The following OR1L8 variants were observed in gnomAD, a reference collection of about 807,000 sequenced individuals.
OR1L8 encodes olfactory receptor family 1 subfamily L member 8.
For missense variants in OR1L8, 330 were observed against 377.4 expected, an observed-to-expected ratio of 0.87 and a Z score of 1.04; for synonymous variants, 148 against 147.0, an observed-to-expected ratio of 1.01 and a Z score of -0.05.
chr9:122,560,272 C>A, the OR1L8 span, among the ~76,000 whole-genome samples: 1 of 152,100 alleles, frequency 6.6e-6, no homozygotes, highest in South Asian at 2.1e-4. Context: ...TAGGTCTTGA[C>A]TCTTTATCCA....
At chr9:122,559,291 G>A in the OR1L8 span, among the ~76,000 whole-genome samples, 1 of 151,558 alleles carries the variant, frequency 6.6e-6, no homozygotes, top group Admixed American at 6.6e-5. Flanking sequence ...TTTTCTATAT[G>A]TAATATTTAT....
chr9:122,573,730 A>C (rs559061575), intron 3 of OR1L8, among the ~76,000 whole-genome samples: 160 of 152,340 alleles, frequency 1.1e-3, no homozygotes, highest in Non-Finnish European at 1.9e-3. Context: ...TTTGCAGAAC[A>C]GAAAAGTTTA....
At chr9:122,583,255 C>T (rs901178871) in intron 1 of OR1L8, 66 bp downstream of exon 1, 1 of 149,898 alleles carries the variant, frequency 6.7e-6, no homozygotes. Flanking sequence ...AATATTTCAT[C>T]AATATTCCTT....
the OR1L8 span, chr9:122,554,013 A>G: frequency 1.2e-6 from 2 of 1,613,578 alleles, no homozygotes; most frequent in Non-Finnish European, 1.7e-6. Flanking sequence ...TCCTCCATCA[A>G]CTTACTCTAC....
At chr9:122,563,111 G>C (rs116566417), downstream of OR1L8, among the ~76,000 whole-genome samples, 1,051 of 151,886 alleles carry the variant, frequency 6.9e-3, 12 homozygotes, top group African/African-American at 0.025. Context: ...GACCATAATG[G>C]ATGTACTAAT....
At chr9:122,572,080 TG>T (rs916662505) in intron 4 of OR1L8, among the ~76,000 whole-genome samples, 8 of 151,564 alleles carry the variant, frequency 5.3e-5, no homozygotes, top group Non-Finnish European at 1.2e-4. Context: ...AGAACAGAGG[TG>T]GGGGGAGGCG....
chr9:122,552,136 A>C, the OR1L8 span, among the ~76,000 whole-genome samples: 1 of 139,834 alleles, frequency 7.2e-6, no homozygotes, highest in African/African-American at 2.6e-5. Flanking sequence ...TGACCAGGCA[A>C]AAGTTTCCTG....
chr9:122,558,340 C>CAA, the OR1L8 span, among the ~76,000 whole-genome samples: 1 of 20,364 alleles, frequency 4.9e-5, no homozygotes, highest in African/African-American at 1.9e-4. Context: ...TTTTTTTTTG[C>CAA]AAAAGAAGGT....
chr9:122,575,470 C>T (rs145191498), intron 3 of OR1L8, among the ~76,000 whole-genome samples: 4 of 152,144 alleles, frequency 2.6e-5, no homozygotes, highest in African/African-American at 9.6e-5. Context: ...TTTAGGTTAT[C>T]AAATTTGTGG....
chr9:122,567,597 T>C lies in OR1L8; in HGVS notation c.881A>G (p.Asn294Ser). The C allele has an allele frequency of 6.2e-7, 1 of 1,609,004 alleles. No individual in the cohort carries two copies. Among genetic ancestry groups the C allele is most frequent in the Non-Finnish European group, 8.5e-7 (1 of 1,178,298 alleles). Residue 294 changes from asparagine to serine, a missense_variant, in exon 5 of 5, where the codon AAC becomes AGC. Physicochemically the swap from Asn to Ser is conservative, Grantham distance 46. Transcript: ENST00000641027. ...MLNPFIYSLR[N>S]KDLKQGLRKL... ...CCTCAGGCCCTGTTTCAGGTCTTTGTTTCTCAGGCTGTAGATAAAAGGATT... is the reference window on the plus strand; with the variant it reads ...CCTCAGGCCCTGTTTCAGGTCTTTGCTTCTCAGGCTGTAGATAAAAGGATT...
At chr9:122,560,779 C>T in the OR1L8 span, among the ~76,000 whole-genome samples, 1 of 152,032 alleles carries the variant, frequency 6.6e-6, no homozygotes, top group Non-Finnish European at 1.5e-5. Context: ...TCATTTCGAC[C>T]TTGGAGAATT....
At chr9:122,552,086 C>CACAG in the OR1L8 span, among the ~76,000 whole-genome samples, 14 of 150,734 alleles carry the variant, frequency 9.3e-5, no homozygotes, top group East Asian at 1.2e-3. Context: ...CTCTCACACA[C>CACAG]ACACACATAT....
chr9:122,583,190 C>G (rs768761165), intron 1 of OR1L8, 131 bp downstream of exon 1: 8 of 151,870 alleles, frequency 5.3e-5, no homozygotes, highest in Non-Finnish European at 1.2e-4. Context: ...CCTATTCACT[C>G]TAGTCTGATT....
the OR1L8 span, among the ~76,000 whole-genome samples, chr9:122,546,937 A>G: frequency 6.6e-6 from 1 of 152,100 alleles, no homozygotes; most frequent in Non-Finnish European, 1.5e-5. Context: ...AACATTTATC[A>G]TTTCTTTCTG....
intron 4 of OR1L8, among the ~76,000 whole-genome samples, chr9:122,571,408 G>C (rs1313773022): frequency 6.6e-6 from 1 of 152,076 alleles, no homozygotes; most frequent in Non-Finnish European, 1.5e-5. Context: ...AAATTAGCCA[G>C]GCATGGTGGC....
chr9:122,547,620 AGTGTGTGTGTGTGT>A, the OR1L8 span, among the ~76,000 whole-genome samples: 1 of 142,902 alleles, frequency 7.0e-6, no homozygotes, highest in African/African-American at 2.6e-5. Flanking sequence ...GTAGTAGTTC[AGTGTGTGTGTGTGT>A]GTGTGTGTGT....
the OR1L8 span, among the ~76,000 whole-genome samples, chr9:122,549,699 C>T: frequency 6.6e-6 from 1 of 152,008 alleles, no homozygotes; most frequent in Non-Finnish European, 1.5e-5. Flanking sequence ...TCCAGGTTCT[C>T]TATTCTTTCC....
At chr9:122,574,465 T>C (rs1173647466) in intron 3 of OR1L8, among the ~76,000 whole-genome samples, 1 of 152,134 alleles carries the variant, frequency 6.6e-6, no homozygotes, top group East Asian at 1.9e-4. Flanking sequence ...GTAAATGATA[T>C]TCTGTTCTTA....
intron 1 of OR1L8, among the ~76,000 whole-genome samples, chr9:122,578,802 G>A (rs184006974): frequency 3.3e-4 from 50 of 152,150 alleles, no homozygotes; most frequent in Admixed American, 1.8e-3. Context: ...TTGGGGACTC[G>A]GGAAAGGGTA....
Sources: gnomAD v4.1 joint callset for allele counts (sites outside exome capture counted in the v4.1 genomes callset) on GRCh38, gnomAD v4.1.1 for gene constraint, MANE v1.5 for transcripts, NCBI Gene and HGNC (gene_info 2026-07-23, HGNC 2026-07-21) for gene names.